DSE: variants seen among roughly 807,000 people sequenced by gnomAD.
DSE encodes dermatan sulfate epimerase, also known as dermatan-sulfate epimerase.
DSE carries 36 observed loss-of-function variants against 84.4 expected under a neutral mutation model. That is an observed-to-expected ratio of 0.43 (90% CI 0.33 to 0.56). The LOEUF is 0.56. Ranked by LOEUF, DSE falls within the 20% of genes least tolerant of loss-of-function variation. DSE has a pLI of 0.06. For missense variants in DSE, 862 were observed against 1,169.6 expected (o/e 0.74, Z 3.84); for synonymous variants, 410 against 430.1 (o/e 0.95, Z 0.58).
At chr6:116,365,652 A>G (rs1349675694), upstream of DSE, among the ~76,000 whole-genome samples, 2 of 152,208 alleles carry the variant, frequency 1.3e-5, no homozygotes, top group African/African-American at 2.4e-5. Flanking sequence ...CATTGGAACT[A>G]TCTCGTACCT....
intron 2 of DSE, among the ~76,000 whole-genome samples, chr6:116,335,507 G>C (rs768317963): frequency 6.6e-6 from 1 of 152,146 alleles, no homozygotes; most frequent in Non-Finnish European, 1.5e-5. Flanking sequence ...AACTGTACTT[G>C]TACCCCTAAA....
At chr6:116,258,710 G>A (rs746974557) in exon 2 of DSE, 13 of 1,604,246 alleles carry the variant, frequency 8.1e-6, no homozygotes, top group East Asian at 2.2e-5. Flanking sequence ...ACAGCCTGTC[G>A]TCTCACAGTC....
At chr6:116,353,778 T>C (rs1193986461) in intron 2 of DSE, among the ~76,000 whole-genome samples, 1 of 152,242 alleles carries the variant, frequency 6.6e-6, no homozygotes, top group African/African-American at 2.4e-5. Flanking sequence ...ATCTAGCTTA[T>C]TTTATAACTG....
intron 2 of DSE, among the ~76,000 whole-genome samples, chr6:116,269,430 A>G (rs1425032192): frequency 6.6e-6 from 1 of 152,232 alleles, no homozygotes; most frequent in African/African-American, 2.4e-5. Flanking sequence ...GTCAAATTCT[A>G]TTATGAAACT....
At chr6:116,319,004 A>G (rs1284108087) in intron 2 of DSE, among the ~76,000 whole-genome samples, 1 of 152,196 alleles carries the variant, frequency 6.6e-6, no homozygotes, top group African/African-American at 2.4e-5. Context: ...AAAATGCTTC[A>G]GTAGTCTCTT....
intron 2 of DSE, among the ~76,000 whole-genome samples, chr6:116,332,694 CTG>C (rs1316919135): frequency 1.3e-5 from 2 of 152,082 alleles, no homozygotes. Flanking sequence ...AAGGAAAAGA[CTG>C]ATACTTAGAG....
At position 116,355,118 on chromosome 6, in the gene DSE, A is replaced by T. The variant is rs190141098; in HGVS notation, c.-53-44080A>T. ...TTTCAGTATTTTGCTAATTTAAACA[A>T]CACCATGTTGAACAACTTTGCATAC... is the stretch of plus-strand genomic sequence containing the variant. On this transcript the variant is annotated intron_variant, in intron 2 of 3. Coordinates refer to the DSE transcript ENST00000430252. Among the ~76,000 whole-genome samples, 103 of 152,348 alleles carry T rather than the reference A, an allele frequency of 6.8e-4. No homozygotes were observed. The East Asian group carries it at 0.019, about 28-fold the overall frequency.
At chr6:116,429,579 A>G (rs113396136) in intron 3 of DSE, among the ~76,000 whole-genome samples, 5 of 152,148 alleles carry the variant, frequency 3.3e-5, no homozygotes, top group East Asian at 3.9e-4. Context: ...TTTTGGGGCA[A>G]TGATACATAA....
intron 2 of DSE, among the ~76,000 whole-genome samples, chr6:116,335,463 A>G (rs541393798): frequency 6.6e-6 from 1 of 152,304 alleles, no homozygotes; most frequent in African/African-American, 2.4e-5. Context: ...AATCTGTACA[A>G]CAAACCCCCA....
chr6:116,265,344 T>C (rs1185029664), intron 2 of DSE, among the ~76,000 whole-genome samples: 3 of 151,952 alleles, frequency 2.0e-5, no homozygotes, highest in East Asian at 1.9e-4. Context: ...GTAGTGTTAG[T>C]GCAAGGGTGG....
At chr6:116,401,676 T>G (rs1268811332) in intron 2 of DSE, among the ~76,000 whole-genome samples, 1 of 152,184 alleles carries the variant, frequency 6.6e-6, no homozygotes, top group Admixed American at 6.5e-5. Context: ...TTTAGATTTG[T>G]GGTTGAACAC....
intron 1 of DSE, among the ~76,000 whole-genome samples, chr6:116,371,388 C>T (rs1779559318): frequency 6.6e-6 from 1 of 152,214 alleles, no homozygotes; most frequent in South Asian, 2.1e-4. Flanking sequence ...TCCCCACCCC[C>T]TTGAACGCCG....
chr6:116,321,167 CTTATTTGTTTATTTAT>C (rs1281262313), intron 2 of DSE, among the ~76,000 whole-genome samples: 1 of 152,064 alleles, frequency 6.6e-6, no homozygotes, highest in African/African-American at 2.4e-5. Context: ...TATTTATTTA[CTTATTTGTTTATTTAT>C]TTATTTTAGA....
intron 2 of DSE, among the ~76,000 whole-genome samples, chr6:116,304,239 G>A (rs1775213990): frequency 2.0e-5 from 3 of 152,136 alleles, no homozygotes; most frequent in Admixed American, 6.5e-5. Flanking sequence ...TTCTTTGAGC[G>A]CCACTCACAT....
At chr6:116,399,862 G>C (rs1284092360) in intron 2 of DSE, 196 bp downstream of exon 2, 7 of 568,108 alleles carry the variant, frequency 1.2e-5, no homozygotes. Context: ...CATGTTTAAA[G>C]TTAGAAGGAA....
At chr6:116,376,941 G>T (rs540433505) in intron 1 of DSE, among the ~76,000 whole-genome samples, 1 of 152,176 alleles carries the variant, frequency 6.6e-6, no homozygotes, top group Non-Finnish European at 1.5e-5. Flanking sequence ...CTGAATGTAT[G>T]TGTCTGCATG....
chr6:116,257,334 C>T (rs183231677), intron 1 of DSE: 14 of 152,302 alleles, frequency 9.2e-5, no homozygotes, highest in Admixed American at 5.9e-4. Context: ...ACAATCTGAA[C>T]GAGGTAATCT....
intron 2 of DSE, among the ~76,000 whole-genome samples, chr6:116,410,688 C>G (rs1219011334): frequency 1.5e-5 from 2 of 136,360 alleles, no homozygotes; most frequent in East Asian, 4.6e-4. Context: ...GAGCCAAGAT[C>G]GCTCCACTGC....
intron 2 of DSE, among the ~76,000 whole-genome samples, chr6:116,342,831 C>T (rs541618245): frequency 9.2e-5 from 14 of 152,242 alleles, no homozygotes; most frequent in South Asian, 2.1e-4. Flanking sequence ...ATGCAGCCCA[C>T]GGAGCAGGGC....
Sources: allele counts gnomAD v4.1 joint callset (sites outside exome capture counted in the v4.1 genomes callset), GRCh38; gene constraint gnomAD v4.1.1; transcripts MANE v1.5; gene names NCBI Gene and HGNC (gene_info 2026-07-23, HGNC 2026-07-21).